ABCC4: variants seen among roughly 807,000 people sequenced by gnomAD.
The protein encoded by ABCC4 is ATP binding cassette subfamily C member 4 (PEL blood group).
In ABCC4, 102 loss-of-function variants were observed where a neutral mutation model predicts 168.5. The ratio of observed to expected loss-of-function variants is 0.61; its 90% CI spans 0.52 to 0.71. ABCC4 has a LOEUF of 0.71. Ranked by LOEUF, ABCC4 falls within the 30% of genes least tolerant of loss-of-function variation. The pLI is 0.00. For synonymous variants in ABCC4, 617 were observed against 590.7 expected (o/e 1.04, Z -0.65); for missense variants, 1,402 against 1,605.8 (o/e 0.87, Z 2.17).
chr13:95,209,919 G>C (rs1052590741), intron 5 of ABCC4, among the ~76,000 whole-genome samples: 25 of 152,298 alleles, frequency 1.6e-4, no homozygotes, highest in African/African-American at 5.1e-4. Context: ...ATATGCCCTG[G>C]GGCTCCCCAG....
chr13:95,057,652 G>C (rs762535146), intron 26 of ABCC4, among the ~76,000 whole-genome samples: 1 of 152,174 alleles, frequency 6.6e-6, no homozygotes, highest in Non-Finnish European at 1.5e-5. Flanking sequence ...ACGAATTTGA[G>C]TTGCTAATGG....
At chr13:95,218,907 GAGAGAGAGAGAGAAAGAA>G (rs2039204257) in intron 4 of ABCC4, among the ~76,000 whole-genome samples, 1 of 31,370 alleles carries the variant, frequency 3.2e-5, no homozygotes, top group Non-Finnish European at 7.2e-5. Context: ...GAGAGAGAAA[GAGAGAGAGAGAGAAAGAA>G]AGAGAAAGAA....
intron 29 of ABCC4, among the ~76,000 whole-genome samples, chr13:95,036,936 T>C (rs978600089): frequency 2.6e-5 from 4 of 151,730 alleles, no homozygotes; most frequent in Admixed American, 2.6e-4. Flanking sequence ...ATACAAAAAT[T>C]AGCTGGGCAT....
chr13:95,142,488 G>A (rs1594171542), intron 19 of ABCC4, among the ~76,000 whole-genome samples: 1 of 152,180 alleles, frequency 6.6e-6, no homozygotes, highest in East Asian at 1.9e-4. Flanking sequence ...AGTGTATCCT[G>A]CTTGGGTGAA....
intron 9 of ABCC4, among the ~76,000 whole-genome samples, chr13:95,193,828 C>T (rs1235120167): frequency 3.9e-5 from 6 of 152,196 alleles, no homozygotes; most frequent in Admixed American, 1.3e-4. Context: ...AGTTCAGAGG[C>T]GAACGCCTCA....
intron 3 of ABCC4, among the ~76,000 whole-genome samples, chr13:95,238,713 G>A (rs1364545056): frequency 2.6e-5 from 4 of 152,090 alleles, no homozygotes; most frequent in East Asian, 3.8e-4. Context: ...ATGCCACCAC[G>A]ACCAACTAAT....
intron 8 of ABCC4, among the ~76,000 whole-genome samples, chr13:95,202,615 T>G (rs2038659447): frequency 6.6e-6 from 1 of 151,514 alleles, no homozygotes; most frequent in South Asian, 2.1e-4. Context: ...ATTCAGGTTA[T>G]GCTGTGCATG....
chr13:95,093,708 G>A (rs962468192), intron 20 of ABCC4, among the ~76,000 whole-genome samples: 1 of 152,084 alleles, frequency 6.6e-6, no homozygotes, highest in African/African-American at 2.4e-5. Flanking sequence ...TCAGACAAAA[G>A]AAAGAAATAA....
chr13:95,277,578 CAAA>C (rs5805920), intron 1 of ABCC4, among the ~76,000 whole-genome samples: 2 of 131,464 alleles, frequency 1.5e-5, no homozygotes, highest in Admixed American at 7.6e-5. Flanking sequence ...TGAGACTTCT[CAAA>C]AAAAAAAAAA....
chr13:95,216,981 C>A (rs1245832474), intron 4 of ABCC4, among the ~76,000 whole-genome samples: 1 of 152,148 alleles, frequency 6.6e-6, no homozygotes, highest in Non-Finnish European at 1.5e-5. Flanking sequence ...TATCTAATTA[C>A]TAAAAACTGG....
rs1044398044 is a variant in ABCC4 at position 95,073,131 on chromosome 13, A to T, written c.3018+73T>A. 6.5e-6 allele frequency: 8 copies of T among 1,222,914 alleles called. No homozygotes were observed. The African/African-American group carries it at 1.1e-4, about 16-fold the overall frequency. 75.8% of individuals were successfully genotyped at this position (1,222,914 alleles called of 1,614,324 possible). On this transcript the variant is annotated intron_variant, in intron 24 of 30. Coordinates refer to ENST00000645237, the MANE Select transcript of ABCC4 (RefSeq NM_005845.5). ...GTAAAAATAACAGTTTTAATATTTC[A>T]CATAAGAATGGCTTTTATACCATTT...
At chr13:95,150,292 G>A (rs1288876054) in intron 19 of ABCC4, among the ~76,000 whole-genome samples, 1 of 152,128 alleles carries the variant, frequency 6.6e-6, no homozygotes, top group East Asian at 1.9e-4. Context: ...AACACTGTCT[G>A]CCTAAAGATT....
intron 1 of ABCC4, among the ~76,000 whole-genome samples, chr13:95,260,919 C>T (rs907684503): frequency 2.0e-5 from 3 of 151,458 alleles, no homozygotes; most frequent in Non-Finnish European, 2.9e-5. Flanking sequence ...CCAATATCCC[C>T]AGTCTGCACA....
chr13:95,285,758 A>G (rs926273136), intron 1 of ABCC4, among the ~76,000 whole-genome samples: 1 of 152,132 alleles, frequency 6.6e-6, no homozygotes, highest in Non-Finnish European at 1.5e-5. Flanking sequence ...GGAACAATGG[A>G]TATCTGAGAA....
At chr13:95,159,332 T>C (rs1297633045) in intron 19 of ABCC4, among the ~76,000 whole-genome samples, 1 of 151,756 alleles carries the variant, frequency 6.6e-6, no homozygotes, top group Non-Finnish European at 1.5e-5. Context: ...TCTAAACATT[T>C]TGGACAAAGT....
intron 4 of ABCC4, among the ~76,000 whole-genome samples, chr13:95,229,782 G>A (rs2039567934): frequency 6.6e-6 from 1 of 152,178 alleles, no homozygotes; most frequent in Non-Finnish European, 1.5e-5. Context: ...AGTCAAGGTA[G>A]GCAAGGGCAA....
chr13:95,061,082 C>T (rs2033272631), intron 26 of ABCC4, among the ~76,000 whole-genome samples: 1 of 152,188 alleles, frequency 6.6e-6, no homozygotes, highest in African/African-American at 2.4e-5. Flanking sequence ...GGATTTCCTT[C>T]CATTTTAAAG....
chr13:95,245,712 C>T (rs576334597), intron 3 of ABCC4, among the ~76,000 whole-genome samples: 103 of 152,270 alleles, frequency 6.8e-4, no homozygotes, highest in African/African-American at 2.2e-3. Flanking sequence ...CCTTTGTCAC[C>T]AATGAGACCA....
At chr13:95,112,030 G>A (rs932162596) in intron 20 of ABCC4, among the ~76,000 whole-genome samples, 4 of 152,108 alleles carry the variant, frequency 2.6e-5, no homozygotes, top group Admixed American at 6.5e-5. Flanking sequence ...TACAGAAAAC[G>A]TAATCAAACA....
Sources: gnomAD v4.1 joint callset for allele counts (sites outside exome capture counted in the v4.1 genomes callset) on GRCh38, gnomAD v4.1.1 for gene constraint, MANE v1.5 for transcripts, NCBI Gene and HGNC (gene_info 2026-07-23, HGNC 2026-07-21) for gene names.